MAPK6: variants seen among roughly 807,000 people sequenced by gnomAD.
The protein encoded by MAPK6 is mitogen-activated protein kinase 6, also known as ERK-3.
MAPK6 carries 19 observed loss-of-function variants against 59.3 expected under a neutral mutation model. That is an observed-to-expected ratio of 0.32 (90% CI 0.22 to 0.47). The LOEUF is 0.47. Ranked by LOEUF, MAPK6 falls within the 20% of genes least tolerant of loss-of-function variation. MAPK6 has a pLI of 1.00. For missense variants in MAPK6, 724 were observed against 847.9 expected, an observed-to-expected ratio of 0.85 and a Z score of 1.81; for synonymous variants, 316 against 290.3, an observed-to-expected ratio of 1.09 and a Z score of -0.90.
intron 1 of MAPK6, among the ~76,000 whole-genome samples, chr15:52,031,367 C>G (rs1373769782): frequency 6.6e-6 from 1 of 152,212 alleles, no homozygotes; most frequent in Non-Finnish European, 1.5e-5. Context: ...AAACCTGGTT[C>G]AAATCCTGGC....
At chr15:52,051,811 T>A (rs1171845013) in intron 3 of MAPK6, among the ~76,000 whole-genome samples, 1 of 151,658 alleles carries the variant, frequency 6.6e-6, no homozygotes, top group Admixed American at 6.6e-5. Flanking sequence ...GAGGCAGAGG[T>A]TGCAGTGAGC....
chr15:52,053,626 GGTTGATTGATTGA>G, intron 3 of MAPK6, among the ~76,000 whole-genome samples: 1 of 127,780 alleles, frequency 7.8e-6, no homozygotes, highest in East Asian at 2.4e-4. Context: ...TTGATTGATT[GGTTGATTGATTGA>G]TTGATTGATT....
intron 1 of MAPK6, chr15:51,971,916 G>A (rs2057128823): frequency 3.0e-6 from 2 of 663,266 alleles, no homozygotes; most frequent in South Asian, 1.7e-5. Flanking sequence ...GGTATGCATG[G>A]TATATAAGCC....
intron 3 of MAPK6, among the ~76,000 whole-genome samples, chr15:52,051,398 C>T (rs80188070): frequency 0.055 from 8,311 of 150,016 alleles, 433 homozygotes; most frequent in African/African-American, 0.13. Flanking sequence ...AACCCCCAGA[C>T]GGTGCTAAGA....
At position 52,064,105 on chromosome 15, in the gene MAPK6, G is replaced by A. The variant is rs1394884509; in HGVS notation, c.1271G>A (p.Cys424Tyr). Residue 424 changes from cysteine to tyrosine, a missense_variant, in exon 6 of 6, where the codon TGT becomes TAT. By Grantham distance (194) the Cys-to-Tyr change is radical. Coordinates refer to ENST00000261845, the MANE Select transcript of MAPK6 (RefSeq NM_002748.4). ...AFDTNYSTEP[C>Y]WQYSDHHENK... ...GATACCAATTACTCTACTGAGCCTTGTTGGCAATACTCAGATCATCATGAA... is the reference window on the plus strand; with the variant it reads ...GATACCAATTACTCTACTGAGCCTTATTGGCAATACTCAGATCATCATGAA... The A allele has an allele frequency of 6.2e-7, 1 of 1,611,974 alleles. No individual in the cohort carries two copies. Among genetic ancestry groups the A allele is most frequent in the South Asian group, 1.1e-5 (1 of 90,816 alleles).
At chr15:52,063,777 A>G (rs2032300318) in intron 5 of MAPK6, 125 bp from the exon 6 acceptor site, 1 of 682,606 alleles carries the variant, frequency 1.5e-6, no homozygotes, top group Non-Finnish European at 2.2e-6. Flanking sequence ...CAAGGCAGGC[A>G]TATTTACTCT....
At position 52,059,912 on chromosome 15, in the gene MAPK6, T is replaced by C. The variant is rs2032131696; in HGVS notation, c.865+1115T>C. Among the ~76,000 whole-genome samples the C allele has an allele frequency of 2.0e-5, 3 of 152,210 alleles. No homozygotes were observed. The South Asian group carries it at 6.2e-4, about 32-fold the overall frequency. Reference sequence around the variant, plus strand: ...AGCACATTCTGAGGCAGTGGCAACTTGGTAAAAAGAATACATGTTCTCACC... The same window carrying C: ...AGCACATTCTGAGGCAGTGGCAACTCGGTAAAAAGAATACATGTTCTCACC... On this transcript the variant is annotated intron_variant, in intron 4 of 5. Coordinates refer to ENST00000261845, the MANE Select transcript of MAPK6 (RefSeq NM_002748.4).
At chr15:52,001,509 C>CT (rs71130114) in intron 2 of MAPK6, among the ~76,000 whole-genome samples, 94,797 of 127,976 alleles carry the variant, frequency 0.74, 37,662 homozygotes, top group Non-Finnish European at 0.88. Context: ...CTTTTCCTTT[C>CT]TTTTTTTTTT....
At chr15:52,021,756 A>G (rs910397524) in intron 1 of MAPK6, among the ~76,000 whole-genome samples, 6 of 152,216 alleles carry the variant, frequency 3.9e-5, no homozygotes, top group African/African-American at 9.6e-5. Context: ...TTAATCAGAT[A>G]TGGCTCTGAA....
At chr15:52,029,366 G>A (rs910061141) in intron 1 of MAPK6, among the ~76,000 whole-genome samples, 1 of 151,502 alleles carries the variant, frequency 6.6e-6, no homozygotes, top group African/African-American at 2.4e-5. Context: ...TCTAAGTATT[G>A]GCATACCTAA....
At chr15:52,007,125 T>C (rs115947453) in intron 3 of MAPK6, among the ~76,000 whole-genome samples, 2,447 of 152,246 alleles carry the variant, frequency 0.016, 29 homozygotes, top group African/African-American at 0.032. Context: ...CCCCACTTCC[T>C]ACCTCCCTGT....
chr15:51,999,329 G>T (rs1395409579), intron 2 of MAPK6, among the ~76,000 whole-genome samples: 3 of 152,044 alleles, frequency 2.0e-5, no homozygotes, highest in Non-Finnish European at 2.9e-5. Context: ...CATTTAAGTG[G>T]GTATAAAGTG....
At chr15:51,992,301 A>AT (rs199746997) in intron 2 of MAPK6, among the ~76,000 whole-genome samples, 36 of 85,508 alleles carry the variant, frequency 4.2e-4, no homozygotes, top group East Asian at 4.0e-3. Context: ...CTATATATAT[A>AT]TATATTTTTT....
At chr15:51,971,999 G>C (rs1054446206) in intron 1 of MAPK6, among the ~76,000 whole-genome samples, 3 of 152,108 alleles carry the variant, frequency 2.0e-5, no homozygotes, top group Non-Finnish European at 4.4e-5. Flanking sequence ...GTTCGGTTGC[G>C]GGTGTGGATG....
intron 3 of MAPK6, among the ~76,000 whole-genome samples, chr15:52,052,324 A>C (rs1442184451): frequency 1.3e-5 from 2 of 152,190 alleles, no homozygotes; most frequent in African/African-American, 4.8e-5. Context: ...GTGTCTTCAT[A>C]ATATGGTGGC....
intron 1 of MAPK6, among the ~76,000 whole-genome samples, chr15:52,028,549 A>C (rs1258399379): frequency 6.6e-6 from 1 of 152,304 alleles, no homozygotes; most frequent in Admixed American, 6.5e-5. Context: ...TGTGGCTGTT[A>C]AAAGAAAAAT....
chr15:52,059,020 A>G (rs1306310131), intron 4 of MAPK6, among the ~76,000 whole-genome samples: 1 of 152,236 alleles, frequency 6.6e-6, no homozygotes. Flanking sequence ...TTCCAGAGCA[A>G]GTAGCAAGTA....
At chr15:52,023,982 A>G (rs1371116147) in intron 1 of MAPK6, among the ~76,000 whole-genome samples, 1 of 152,206 alleles carries the variant, frequency 6.6e-6, no homozygotes, top group Admixed American at 6.5e-5. Context: ...AATTGTTCAG[A>G]GATTGAATGT....
At chr15:52,048,865 G>T (rs1181221160) in intron 2 of MAPK6, among the ~76,000 whole-genome samples, 1 of 152,012 alleles carries the variant, frequency 6.6e-6, no homozygotes, top group African/African-American at 2.4e-5. Context: ...AAAAGAAAAA[G>T]AGATGAGTAT....
Sources: gnomAD v4.1 joint callset for allele counts (sites outside exome capture counted in the v4.1 genomes callset) on GRCh38, gnomAD v4.1.1 for gene constraint, MANE v1.5 for transcripts, NCBI Gene and HGNC (gene_info 2026-07-23, HGNC 2026-07-21) for gene names.